ASF1A: variants seen among roughly 807,000 people sequenced by gnomAD.
ASF1A encodes histone chaperone ASF1A.
ASF1A carries 5 observed loss-of-function variants against 22.0 expected under a neutral mutation model. The ratio of observed to expected loss-of-function variants is 0.23; its 90% CI spans 0.12 to 0.48. The LOEUF is 0.48. Among genes scored for constraint, ASF1A ranks in the 20% least tolerant of loss-of-function variants. ASF1A has a pLI of 0.99. For synonymous variants in ASF1A, 97 were observed against 86.7 expected (o/e 1.12, Z -0.66); for missense variants, 137 against 240.6 (o/e 0.57, Z 2.85).
chr6:118,899,479 T>C (rs1224943339), intron 1 of ASF1A, among the ~76,000 whole-genome samples: 1 of 152,164 alleles, frequency 6.6e-6, no homozygotes, highest in African/African-American at 2.4e-5. Context: ...GAGATACTTA[T>C]ATTGCCTACT....
At position 118,907,531 on chromosome 6, in the gene ASF1A, G is replaced by T. The variant is rs754840793; in HGVS notation, c.532G>T (p.Ala178Ser). ...PNLQSLLSTDALPSASKGWST... is the reference protein window; with the variant it reads ...PNLQSLLSTDSLPSASKGWST... ...TCTACAGTCACTTCTTTCAACAGAT[G>T]CATTACCTTCAGCATCAAAGGGATG... The change falls in exon 4 of 4, where the codon GCA (alanine) becomes TCA (serine). Residue 178 changes from alanine to serine, a missense_variant. Transcript: ENST00000229595. 1.9e-6 allele frequency: 3 copies of T among 1,613,692 alleles called. No homozygotes were observed. In the Admixed American group the frequency reaches 5.0e-5, roughly 27 times the overall value.
intron 1 of ASF1A, 62 bp downstream of exon 1, chr6:118,894,584 C>T: frequency 2.9e-6 from 4 of 1,379,500 alleles, no homozygotes; most frequent in East Asian, 5.0e-5. Context: ...GAAAGTTTCC[C>T]GGGCCGGGCC....
intron 1 of ASF1A, among the ~76,000 whole-genome samples, chr6:118,894,977 G>C (rs1779267890): frequency 6.6e-6 from 1 of 152,114 alleles, no homozygotes; most frequent in Non-Finnish European, 1.5e-5. Context: ...CGAGAATTGG[G>C]CCAGCGACCC....
At chr6:118,897,345 A>G (rs898153604) in intron 1 of ASF1A, among the ~76,000 whole-genome samples, 35 of 152,144 alleles carry the variant, frequency 2.3e-4, no homozygotes, top group Non-Finnish European at 1.2e-4. Context: ...TATAGGGCTT[A>G]TATCAAGGGT....
At position 118,902,305 on chromosome 6, in the gene ASF1A, T is replaced by C. The variant is rs181116515; in HGVS notation, c.225+1424T>C. The stretch of plus-strand genomic sequence containing the variant: ...AGTCTTCTATAAAATGTGGATAATA[T>C]TCTATCTCATTAAAATGTTATGGGG... On this transcript the variant is annotated intron_variant, in intron 2 of 3. Coordinates refer to ENST00000229595, the MANE Select transcript of ASF1A (RefSeq NM_014034.3). 1.1e-4 allele frequency among the ~76,000 whole-genome samples: 16 copies of C among 152,226 alleles called. No homozygotes were observed. In the South Asian group the frequency reaches 3.3e-3, roughly 32 times the overall value.
intron 2 of ASF1A, among the ~76,000 whole-genome samples, chr6:118,902,386 C>T (rs552976168): frequency 6.6e-6 from 1 of 152,274 alleles, no homozygotes; most frequent in African/African-American, 2.4e-5. Context: ...AAAATTAGAA[C>T]TACATTTTTA....
chr6:118,907,963 C>T lies in ASF1A; in HGVS notation c.*349C>T, dbSNP rs1352981701. 1 of 169,242 alleles carries T rather than the reference C, an allele frequency of 5.9e-6. No individual in the cohort carries two copies. Among genetic ancestry groups the T allele is most frequent in the Admixed American group, 6.0e-5 (1 of 16,798 alleles). 10.5% of individuals were successfully genotyped at this position (169,242 alleles called of 1,614,324 possible). On this transcript the variant is annotated 3_prime_UTR_variant, in exon 4 of 4. Coordinates refer to ENST00000229595, the MANE Select transcript of ASF1A (RefSeq NM_014034.3). ...TTGGCCTCCCAGACAGTCTTTGGAC[C>T]ACTATTTTACTGGCCTTTGAAAGAA...
chr6:118,899,323 G>A (rs999897417), intron 1 of ASF1A, among the ~76,000 whole-genome samples: 2 of 152,148 alleles, frequency 1.3e-5, no homozygotes, highest in East Asian at 1.9e-4. Flanking sequence ...CTTCAAAACC[G>A]CATGATCTGG....
chr6:118,902,565 C>A (rs1360641405), intron 2 of ASF1A, among the ~76,000 whole-genome samples: 1 of 126,100 alleles, frequency 7.9e-6, no homozygotes, highest in African/African-American at 3.1e-5. Flanking sequence ...TAAGAACTTA[C>A]AAATAAATGC....
chr6:118,899,069 C>A (rs1779626476), intron 1 of ASF1A, among the ~76,000 whole-genome samples: 1 of 152,190 alleles, frequency 6.6e-6, no homozygotes, highest in Non-Finnish European at 1.5e-5. Context: ...CTTTCATCTT[C>A]AGGATTTTAT....
intron 2 of ASF1A, among the ~76,000 whole-genome samples, chr6:118,904,325 T>C (rs1780017891): frequency 1.3e-5 from 2 of 152,204 alleles, no homozygotes; most frequent in Admixed American, 1.3e-4. Context: ...TTTTGTATCA[T>C]CTACCTGTGT....
chr6:118,898,528 G>A (rs1779592547), intron 1 of ASF1A, among the ~76,000 whole-genome samples: 2 of 151,446 alleles, frequency 1.3e-5, no homozygotes, highest in Admixed American at 6.6e-5. Context: ...GGGTTCAGGC[G>A]ATTCTTGTGC....
intron 2 of ASF1A, among the ~76,000 whole-genome samples, chr6:118,901,969 C>T (rs1463998726): frequency 1.3e-5 from 2 of 152,176 alleles, no homozygotes; most frequent in Non-Finnish European, 2.9e-5. Flanking sequence ...CTACCTTTCC[C>T]TCCCCTGTCC....
At chr6:118,897,039 A>G (rs930243075) in intron 1 of ASF1A, among the ~76,000 whole-genome samples, 2 of 152,040 alleles carry the variant, frequency 1.3e-5, no homozygotes, top group African/African-American at 4.8e-5. Flanking sequence ...GAGTTTTGCC[A>G]TGTTGCCCAA....
At chr6:118,894,924 G>A (rs985943486) in intron 1 of ASF1A, among the ~76,000 whole-genome samples, 5 of 152,184 alleles carry the variant, frequency 3.3e-5, no homozygotes, top group African/African-American at 7.2e-5. Flanking sequence ...CTGTGCGTGT[G>A]GTCGCGCCGG....
At chr6:118,901,084 T>G (rs941776476) in intron 2 of ASF1A, 8 of 492,104 alleles carry the variant, frequency 1.6e-5, no homozygotes, top group Non-Finnish European at 2.5e-5. Flanking sequence ...TGCTGAGAGA[T>G]GTTAATGTGA....
rs1352985102 is a variant in ASF1A, at chr6:118,908,438, G to A, written c.*824G>A. 6.6e-6 allele frequency: 1 copy of A among 152,052 alleles called. No homozygotes were observed. Among genetic ancestry groups the A allele is most frequent in the Non-Finnish European group, 1.5e-5 (1 of 67,978 alleles). 9.4% of individuals were successfully genotyped at this position (152,052 alleles called of 1,614,324 possible). ...TTCATTTGATTTCTAAAAATACCATGACCTTTAAAAATTCTTTTAATAGAT... is the reference window on the plus strand; with the variant it reads ...TTCATTTGATTTCTAAAAATACCATAACCTTTAAAAATTCTTTTAATAGAT... On this transcript the variant is annotated 3_prime_UTR_variant, in exon 4 of 4. Coordinates refer to ENST00000229595, the MANE Select transcript of ASF1A (RefSeq NM_014034.3).
At position 118,894,205 on chromosome 6, in the gene ASF1A, G is replaced by A; in HGVS notation, c.-209G>A. The stretch of plus-strand genomic sequence containing the variant: ...ACGCTGCTACTTATCAGAGCAGAAT[G>A]GGCTGTAGTTTAGTGAAATAGGAAA... On this transcript the variant is annotated 5_prime_UTR_variant, in exon 1 of 4. It removes an upstream start codon present in the reference 5' UTR. Coordinates refer to ENST00000229595, the MANE Select transcript of ASF1A (RefSeq NM_014034.3). 2 of 1,395,960 alleles carry A rather than the reference G, an allele frequency of 1.4e-6. No individual in the cohort carries two copies. Among genetic ancestry groups the A allele is most frequent in the Non-Finnish European group, 1.9e-6 (2 of 1,077,290 alleles). The allele number at this position is 1,395,960 out of a possible 1,614,324, so 86.5% of individuals were successfully genotyped here.
At chr6:118,894,826 C>G (rs1270884533) in intron 1 of ASF1A, among the ~76,000 whole-genome samples, 2 of 152,228 alleles carry the variant, frequency 1.3e-5, no homozygotes, top group South Asian at 2.1e-4. Context: ...TCCCGCTGCG[C>G]CGCCTGAGGT....
Sources: gnomAD v4.1 joint callset for allele counts (sites outside exome capture counted in the v4.1 genomes callset) on GRCh38, gnomAD v4.1.1 for gene constraint, MANE v1.5 for transcripts, NCBI Gene and HGNC (gene_info 2026-07-23, HGNC 2026-07-21) for gene names.